Variants in MNX1 observed in about 807,000 individuals in gnomAD.
The protein encoded by MNX1 is motor neuron and pancreas homeobox protein 1.
Under a neutral mutation model 17.3 loss-of-function variants are expected in MNX1, and 2 were observed. The observed-to-expected ratio is 0.12, with a 90% CI of 0.05 to 0.36. The LOEUF is 0.36. MNX1 is among the 10% of genes least tolerant of loss of function. The pLI, the probability that MNX1 is intolerant of heterozygous loss-of-function variation, is 1.00. For synonymous variants in MNX1, 306 were observed against 283.1 expected (o/e 1.08, Z -0.81); for missense variants, 556 against 564.7 (o/e 0.98, Z 0.16).
chr7:157,006,848 G>T lies in MNX1; in HGVS notation c.692-209C>A. 5.5e-6 allele frequency: 2 copies of T among 362,174 alleles called. No homozygotes were observed. The highest frequency in any genetic ancestry group is 9.1e-6 in the Non-Finnish European group (2 of 220,816). The allele number at this position is 362,174 out of a possible 1,614,324, so 22.4% of individuals were successfully genotyped here. A position where few individuals can be genotyped will look rare whatever the true frequency, so the allele number is the denominator to read the frequency against. ...GAAATGGATAGTTTGGAGTTAATGA[G>T]ACCAATTTTTTTTTTTTTTTTTGTC... On this transcript the variant is annotated intron_variant, in intron 1 of 2. Transcript: ENST00000252971. This position sits in a 1 kb window ranked among gnomAD's most constrained non-coding sequence, Gnocchi z 6.3.
chr7:157,005,255 G>T lies in MNX1; in HGVS notation c.*265C>A, dbSNP rs183776617. ...ACACCAACCAAAATTAATTTTAAAA[G>T]AACCAGAGTTCAAGTTTCAGCCCCC... is the stretch of plus-strand genomic sequence containing the variant. On this transcript the variant is annotated 3_prime_UTR_variant, in exon 3 of 3. Coordinates refer to ENST00000252971, the MANE Select transcript of MNX1 (RefSeq NM_005515.4). 1,179 of 261,194 alleles carry T rather than the reference G, an allele frequency of 4.5e-3. 5 individuals carry two copies. The highest frequency in any genetic ancestry group is 6.8e-3 in the Non-Finnish European group (932 of 137,766). The allele number at this position is 261,194 out of a possible 1,614,324, so 16.2% of individuals were successfully genotyped here. A position where few individuals can be genotyped will look rare whatever the true frequency, so the allele number is the denominator to read the frequency against.
chr7:157,009,220 T>A lies in MNX1; in HGVS notation c.691+440A>T, dbSNP rs1028338678. 4 of 1,440,800 alleles carry A rather than the reference T, an allele frequency of 2.8e-6. No homozygotes were observed. In the Middle Eastern group the frequency reaches 5.5e-4, roughly 198 times the overall value. 89.3% of individuals were successfully genotyped at this position (1,440,800 alleles called of 1,614,324 possible). ...TGTTTGCTGCTCCTGAAGCACTCCCTCTCCCTGGAGGGGCCGCGGGTCTCT... is the reference window on the plus strand; with the variant it reads ...TGTTTGCTGCTCCTGAAGCACTCCCACTCCCTGGAGGGGCCGCGGGTCTCT... On this transcript the variant is annotated intron_variant, in intron 1 of 2. Transcript: ENST00000252971.
Position 157,009,814 on chromosome 7 carries a change from G to C in MNX1, c.537C>G (p.His179Gln). The C allele has an allele frequency of 2.0e-6, 3 of 1,530,956 alleles. No individual in the cohort carries two copies. Among genetic ancestry groups the C allele is most frequent in the Middle Eastern group, 2.3e-4 (1 of 4,334 alleles). 94.8% of individuals were successfully genotyped at this position (1,530,956 alleles called of 1,614,324 possible). A position where few individuals can be genotyped will look rare whatever the true frequency, so the allele number is the denominator to read the frequency against. ...GCGGGTACGAGTAGGAGAGCGCCGG[G>C]TGCTGGCCCGCCAGCGCAGCCGCCG... The part of the protein sequence containing the change: ...AAAAAALAGQ[H>Q]PALSYSYPQV... The change falls in exon 1 of 3, where the codon CAC becomes CAG. Residue 179 changes from histidine (H) to glutamine (Q), a missense_variant. His to Gln is a conservative substitution (Grantham distance 24). Coordinates refer to ENST00000252971, the MANE Select transcript of MNX1 (RefSeq NM_005515.4).
Position 157,005,570 on chromosome 7 carries a change from C to T in MNX1, c.1156G>A (p.Glu386Lys), listed in dbSNP as rs754829375. 1.9e-6 allele frequency: 3 copies of T among 1,583,532 alleles called. No homozygotes were observed. The highest frequency in any genetic ancestry group is 2.6e-6 in the Non-Finnish European group (3 of 1,168,110). Reference protein sequence around the residue: ...VHAASSDCSSEDDSPPPRPSH... With the variant: ...VHAASSDCSSKDDSPPPRPSH... ...GGCCGCGGGGGCGGCGAGTCGTCCT[C>T]CGAGGAGCAGTCGGAGGAGGCGGCG... Residue 386 changes from glutamate to lysine, a missense_variant, in exon 3 of 3, where the codon GAG (glutamate) becomes AAG (lysine). Transcript: ENST00000252971.
rs66587043 is a variant in MNX1, at chr7:157,005,288, C to A, written c.*232G>T. 3 of 279,544 alleles carry A rather than the reference C, an allele frequency of 1.1e-5. No homozygotes were observed. The highest frequency in any genetic ancestry group is 2.0e-5 in the Non-Finnish European group (3 of 150,138). The allele number at this position is 279,544 out of a possible 1,614,324, so 17.3% of individuals were successfully genotyped here. A position where few individuals can be genotyped will look rare whatever the true frequency, so the allele number is the denominator to read the frequency against. On this transcript the variant is annotated 3_prime_UTR_variant, in exon 3 of 3. Transcript: ENST00000252971. The stretch of plus-strand genomic sequence containing the variant: ...GTTCAAGTTTCAGCCCCCTGGGTCT[C>A]CCTCTCGCTGTTTCTTGAAGAGCAG...
chr7:157,006,824 A>T lies in MNX1; in HGVS notation c.692-185T>A. ...ATGCGGACTCAGGACCACCAAGTGG[A>T]AATGGATAGTTTGGAGTTAATGAGA... On this transcript the variant is annotated intron_variant, in intron 1 of 2. Coordinates refer to ENST00000252971, the MANE Select transcript of MNX1 (RefSeq NM_005515.4). The surrounding 1 kb of genome is among the most constrained non-coding windows in gnomAD (Gnocchi z 6.3). 1 of 567,968 alleles carries T rather than the reference A, an allele frequency of 1.8e-6. No individual in the cohort carries two copies. Among genetic ancestry groups the T allele is most frequent in the Non-Finnish European group, 3.0e-6 (1 of 335,460 alleles). 35.2% of individuals were successfully genotyped at this position (567,968 alleles called of 1,614,324 possible).
chr7:157,005,942 C>G (rs1805589602), intron 2 of MNX1, 69 bp from the exon 3 acceptor site: 2 of 1,571,590 alleles, frequency 1.3e-6, no homozygotes, highest in Non-Finnish European at 1.7e-6. Flanking sequence ...CGGAGTCCCC[C>G]GGCCGCGTGC....
rs1052828355 is a variant in MNX1 at position 157,004,963 on chromosome 7, A to G, written c.*557T>C. 1.4e-5 allele frequency: 3 copies of G among 212,280 alleles called. No homozygotes were observed. The highest frequency in any genetic ancestry group is 2.9e-5 in the Non-Finnish European group (3 of 104,750). 13.1% of individuals were successfully genotyped at this position (212,280 alleles called of 1,614,324 possible). On this transcript the variant is annotated 3_prime_UTR_variant, in exon 3 of 3. Transcript: ENST00000252971. This position sits in a 1 kb window ranked among gnomAD's most constrained non-coding sequence, Gnocchi z 6.2. ...TTCTTTTTATATATAAATACAATATACAAAAATAAAGACAGTACAGTTTTG... is the reference window on the plus strand; with the variant it reads ...TTCTTTTTATATATAAATACAATATGCAAAAATAAAGACAGTACAGTTTTG...
rs1805688691 is a variant in MNX1 at position 157,010,202 on chromosome 7, G to C, written c.149C>G (p.Ala50Gly). Residue 50 changes from alanine to glycine, a missense_variant, in exon 1 of 3, where the codon GCG becomes GGG. Ala to Gly is a moderately conservative substitution (Grantham distance 60, BLOSUM62 0). Around this residue, in one of 7 missense-constraint regions of MNX1, gnomAD observed 115 missense variants for 103.5 expected, o/e 1.11. Coordinates refer to ENST00000252971, the MANE Select transcript of MNX1 (RefSeq NM_005515.4). ...GTGGGGGGGG[A>G]SGGTSGSCSP... ...GCAGCTGCCGCTAGTCCCGCCGCTCGCCCCGCCGCCGCCGCCGCCACCTCC... is the reference window on the plus strand; with the variant it reads ...GCAGCTGCCGCTAGTCCCGCCGCTCCCCCCGCCGCCGCCGCCGCCACCTCC... The C allele has an allele frequency of 1.6e-6, 2 of 1,225,312 alleles. No homozygotes were observed. Among genetic ancestry groups the C allele is most frequent in the Non-Finnish European group, 2.0e-6 (2 of 977,182 alleles). The allele number at this position is 1,225,312 out of a possible 1,614,324, so 75.9% of individuals were successfully genotyped here.
Position 157,010,094 on chromosome 7 carries a change from G to A in MNX1, c.257C>T (p.Ala86Val). The A allele has an allele frequency of 2.0e-6, 2 of 985,002 alleles. No homozygotes were observed. The highest frequency in any genetic ancestry group is 2.4e-6 in the Non-Finnish European group (2 of 831,504). 61.0% of individuals were successfully genotyped at this position (985,002 alleles called of 1,614,324 possible). ...ESPSPPRLLA[A>V]HCALLPKPGF... ...CGGCTTGGGCAGCAGCGCGCAGTGC[G>A]CGGCCAGCAGGCGCGGCGGCGACGG... is the stretch of plus-strand genomic sequence containing the variant. The change falls in exon 1 of 3, where the codon GCG becomes GTG. Residue 86 changes from alanine to valine, a missense_variant. Coordinates refer to ENST00000252971, the MANE Select transcript of MNX1 (RefSeq NM_005515.4).
rs949202192 is a variant in MNX1, at chr7:157,006,939, C to G, written c.692-300G>C. 1.5e-5 allele frequency: 4 copies of G among 273,462 alleles called. No homozygotes were observed. Among genetic ancestry groups the G allele is most frequent in the African/African-American group, 4.8e-5 (2 of 41,620 alleles). The allele number at this position is 273,462 out of a possible 1,614,324, so 16.9% of individuals were successfully genotyped here. On this transcript the variant is annotated intron_variant, in intron 1 of 2. Transcript: ENST00000252971. The surrounding 1 kb of genome is among the most constrained non-coding windows in gnomAD (Gnocchi z 6.3). ...CAGGAGGCTTCCTCTCCACAGGAGC[C>G]GGCTTTGGTAGCAGTGGATTGACCC...
At position 157,010,422 on chromosome 7, in the gene MNX1, TGCG is replaced by T; in HGVS notation, c.-75_-73del. 8.1e-7 allele frequency: 1 copy of T among 1,242,118 alleles called. No individual in the cohort carries two copies. The highest frequency in any genetic ancestry group is 1.1e-6 in the Non-Finnish European group (1 of 890,968). 76.9% of individuals were successfully genotyped at this position (1,242,118 alleles called of 1,614,324 possible). A position where few individuals can be genotyped will look rare whatever the true frequency, so the allele number is the denominator to read the frequency against. On this transcript the variant is annotated 5_prime_UTR_variant, in exon 1 of 3. Transcript: ENST00000252971. Reference sequence around the variant, plus strand: ...GCCGTGTGCGGGCTCGCGGAGTCAGTGCGTGCGGTGCAAGCCCGGGGGCTCGGT... The same window carrying T: ...GCCGTGTGCGGGCTCGCGGAGTCAGTTGCGGTGCAAGCCCGGGGGCTCGGT...
rs576582946 is a variant in MNX1, at chr7:157,008,963, C to T, written c.691+697G>A. On this transcript the variant is annotated intron_variant, in intron 1 of 2. Transcript: ENST00000252971. Reference sequence around the variant, plus strand: ...GGCTCTGGGGTGGGGAGAACAGGGGCTCCCTCGGCCCCACCTTGGAGGGGC... The same window carrying T: ...GGCTCTGGGGTGGGGAGAACAGGGGTTCCCTCGGCCCCACCTTGGAGGGGC... The T allele has an allele frequency of 3.3e-5, 50 of 1,533,786 alleles. No homozygotes were observed. The South Asian group carries it at 5.5e-4, about 17-fold the overall frequency.
chr7:157,007,747 A>C (rs1254029953), intron 1 of MNX1: 2 of 152,314 alleles, frequency 1.3e-5, no homozygotes, highest in East Asian at 1.9e-4. Context: ...AAAGGAAAGA[A>C]AGGAGGCCAG....
At chr7:157,009,368 C>T (rs1390846330) in intron 1 of MNX1, 15 of 1,417,558 alleles carry the variant, frequency 1.1e-5, no homozygotes, top group Admixed American at 2.9e-5. Context: ...ACTTCCTTCT[C>T]CTGCAGCCTT....
At position 157,005,558 on chromosome 7, in the gene MNX1, G is replaced by A. The variant is rs760934530; in HGVS notation, c.1168C>T (p.Pro390Ser). 14 of 1,558,476 alleles carry A rather than the reference G, an allele frequency of 9.0e-6. 1 individual carries two copies. The South Asian group carries it at 1.6e-4, about 18-fold the overall frequency. The change falls in exon 3 of 3, where the codon CCG becomes TCG. Residue 390 changes from proline (P) to serine (S), a missense_variant. Physicochemically the swap from Pro to Ser is moderately conservative, Grantham distance 74. Transcript: ENST00000252971. ...GGCTGGTGGCTGGGCCGCGGGGGCG[G>A]CGAGTCGTCCTCCGAGGAGCAGTCG... Reference protein sequence around the residue: ...SSDCSSEDDSPPPRPSHQPAP... With the variant: ...SSDCSSEDDSSPPRPSHQPAP...
In MNX1 at chr7:157,010,582, C is replaced by T. The variant is rs540322947; in HGVS notation, c.-232G>A. The T allele has an allele frequency of 4.2e-3, 1,372 of 325,898 alleles. 3 individuals are homozygous for T. The highest frequency in any genetic ancestry group is 0.016 in the Middle Eastern group (20 of 1,244). 20.2% of individuals were successfully genotyped at this position (325,898 alleles called of 1,614,324 possible). On this transcript the variant is annotated 5_prime_UTR_variant, in exon 1 of 3. Coordinates refer to ENST00000252971, the MANE Select transcript of MNX1 (RefSeq NM_005515.4). The stretch of plus-strand genomic sequence containing the variant: ...GCTCGCACAAACTCCCACGCGAGTG[C>T]TTCCCCGCGTCCGGGCCCGGGAGCC...
chr7:157,008,361 A>C (rs928843326), intron 1 of MNX1: 4 of 152,320 alleles, frequency 2.6e-5, no homozygotes, highest in African/African-American at 9.6e-5. Context: ...GGGGATTCGC[A>C]GACGCAGACG....
At chr7:157,008,809 AGAGCCCCAGAGAGCCAGAGCCCCG>A in intron 1 of MNX1, 1 of 616,070 alleles carries the variant, frequency 1.6e-6, no homozygotes. Context: ...GGGGAGAGCC[AGAGCCCCAGAGAGCCAGAGCCCCG>A]GAGCCCCAGC....
Sources: gnomAD v4.1 joint callset for allele counts on GRCh38, gnomAD v4.1.1 for gene constraint, gnomAD v4.1.1 regional missense constraint, Gnocchi (gnomAD v3.1) non-coding constraint, MANE v1.5 for transcripts, NCBI Gene and HGNC (gene_info 2026-07-23, HGNC 2026-07-21) for gene names.